SEC24B: variants seen among roughly 807,000 people sequenced by gnomAD.
The protein encoded by SEC24B is SEC24 homolog B, COPII component.
SEC24B carries 45 observed loss-of-function variants against 142.8 expected under a neutral mutation model. The observed-to-expected ratio is 0.32, with a 90% CI of 0.25 to 0.40. The LOEUF (loss-of-function observed/expected upper bound fraction) is 0.40. SEC24B is among the 10% of genes least tolerant of loss of function. The pLI is 1.00. For missense variants in SEC24B, 1,409 were observed against 1,526.8 expected, an observed-to-expected ratio of 0.92 and a Z score of 1.29; for synonymous variants, 574 against 568.2, an observed-to-expected ratio of 1.01 and a Z score of -0.15.
intron 3 of SEC24B, among the ~76,000 whole-genome samples, 167 bp downstream of exon 3, chr4:109,473,353 T>C (rs1163910616): frequency 1.3e-5 from 2 of 152,230 alleles, no homozygotes; most frequent in Non-Finnish European, 2.9e-5. Flanking sequence ...TGTATTTTGC[T>C]TTTCTTTTTA....
At chr4:109,458,932 C>T (rs1263440987) in intron 1 of SEC24B, among the ~76,000 whole-genome samples, 1 of 151,184 alleles carries the variant, frequency 6.6e-6, no homozygotes, top group Non-Finnish European at 1.5e-5. Flanking sequence ...AAATTTTTTT[C>T]CTCCACAACT....
chr4:109,477,560 G>C (rs1163255040), intron 3 of SEC24B, among the ~76,000 whole-genome samples: 2 of 151,984 alleles, frequency 1.3e-5, no homozygotes, highest in African/African-American at 2.4e-5. Flanking sequence ...TCCCAGGCTC[G>C]AGTGATTATC....
chr4:109,504,937 T>G (rs1736526073), intron 6 of SEC24B, among the ~76,000 whole-genome samples: 1 of 152,004 alleles, frequency 6.6e-6, no homozygotes, highest in South Asian at 2.1e-4. Context: ...GCAGAAGGTA[T>G]AGACATAGAG....
chr4:109,521,673 T>A, intron 14 of SEC24B, 47 bp downstream of exon 14: 1 of 1,303,630 alleles, frequency 7.7e-7, no homozygotes, highest in African/African-American at 1.5e-5. Flanking sequence ...GTGTAATTAT[T>A]TGTTTATTCT....
intron 11 of SEC24B, among the ~76,000 whole-genome samples, chr4:109,518,210 T>C (rs554286655): frequency 1.3e-5 from 2 of 152,284 alleles, no homozygotes; most frequent in East Asian, 3.9e-4. Flanking sequence ...ATACGTGGCT[T>C]ATACCTGGCT....
In SEC24B at chr4:109,450,614, C is replaced by T. The variant is rs370354248; in HGVS notation, c.134-12287C>T. 5.4e-5 allele frequency among the ~76,000 whole-genome samples: 8 copies of T among 148,068 alleles called. No individual in the cohort carries two copies. In the South Asian group the frequency reaches 8.5e-4, roughly 16 times the overall value. On this transcript the variant is annotated intron_variant, in intron 1 of 23. Transcript: ENST00000265175. ...TGGAGGTTGCAGTGAGCCAAGATCA[C>T]GCCACTGCACTCCAACCTGGGTGAC...
rs182157622 is a variant in SEC24B, at chr4:109,494,684, C to T, written c.1316C>T (p.Pro439Leu). The change falls in exon 6 of 24, where the codon CCA becomes CTA. Residue 439 changes from proline to leucine, a missense_variant. Physicochemically the swap from Pro to Leu is moderately conservative, Grantham distance 98. This residue lies in a region of SEC24B where 709 missense variants were observed against 673.5 expected (regional missense o/e 1.05). Coordinates refer to ENST00000265175, the MANE Select transcript of SEC24B (RefSeq NM_006323.5). ...CCTGAACCTGATCCTGCTTCTGCTC[C>T]AGCTCCAGCTTCAGCTCCAGCTCCT... ...PAPEPDPASA[P>L]APASAPAPVV... is the part of the protein sequence containing the mutation. The T allele has an allele frequency of 7.9e-5, 128 of 1,613,878 alleles. No individual in the cohort carries two copies. The African/African-American group carries it at 1.6e-3, about 21-fold the overall frequency.
At chr4:109,502,084 A>G (rs1400084225) in intron 6 of SEC24B, among the ~76,000 whole-genome samples, 5 of 152,220 alleles carry the variant, frequency 3.3e-5, no homozygotes, top group Non-Finnish European at 7.3e-5. Context: ...GAGTTAACAT[A>G]TGGAAGAAAG....
At chr4:109,514,627 G>C (rs1239983024) in intron 10 of SEC24B, among the ~76,000 whole-genome samples, 2 of 152,200 alleles carry the variant, frequency 1.3e-5, no homozygotes, top group Non-Finnish European at 2.9e-5. Flanking sequence ...GAACGTGGGA[G>C]GGGGAGGTTG....
rs186223838 is a variant in SEC24B, at chr4:109,466,072, T to A, written c.877+2428T>A. On this transcript the variant is annotated intron_variant, in intron 2 of 23. Coordinates refer to ENST00000265175, the MANE Select transcript of SEC24B (RefSeq NM_006323.5). ...CATTTCAAAAAAAAAGAGGTTATTT[T>A]AAAAATCTACTTTAAAATTAAATAT... Among the ~76,000 whole-genome samples the A allele has an allele frequency of 1.0e-3, 159 of 152,346 alleles. 2 individuals carry two copies. The highest frequency in any genetic ancestry group is 3.7e-3 in the African/African-American group (152 of 41,578).
At chr4:109,511,342 A>G (rs1176509634) in intron 8 of SEC24B, among the ~76,000 whole-genome samples, 1 of 152,110 alleles carries the variant, frequency 6.6e-6, no homozygotes, top group Non-Finnish European at 1.5e-5. Context: ...TATGTGAAAA[A>G]ATTAAATACA....
Position 109,453,457 on chromosome 4 carries a change from C to G in SEC24B, c.134-9444C>G, listed in dbSNP as rs941057075. ...CATTTTAGGCCCCCCCCCCCCCCCC[C>G]CCGAATGGCTGTTAATTATTAATAT... On this transcript the variant is annotated intron_variant, in intron 1 of 23. Transcript: ENST00000265175. Among the ~76,000 whole-genome samples the G allele has an allele frequency of 2.9e-3, 312 of 107,060 alleles. 3 individuals are homozygous for G. The highest frequency in any genetic ancestry group is 0.011 in the African/African-American group (291 of 25,798). 70.2% of individuals were successfully genotyped at this position (107,060 alleles called of 152,430 possible).
intron 1 of SEC24B, among the ~76,000 whole-genome samples, chr4:109,446,223 A>G (rs1000004125): frequency 1.3e-5 from 2 of 152,180 alleles, no homozygotes; most frequent in Non-Finnish European, 1.5e-5. Flanking sequence ...GCCTGATACA[A>G]TCACAGCAGT....
intron 11 of SEC24B, among the ~76,000 whole-genome samples, chr4:109,517,560 A>G (rs1723074980): frequency 6.6e-6 from 1 of 152,206 alleles, no homozygotes; most frequent in Non-Finnish European, 1.5e-5. Context: ...AATATATTGT[A>G]TTCTTGGAGA....
intron 14 of SEC24B, among the ~76,000 whole-genome samples, chr4:109,523,778 A>G: frequency 6.6e-6 from 1 of 152,192 alleles, no homozygotes; most frequent in East Asian, 1.9e-4. Context: ...AAAGGGCATA[A>G]TCTTTAAGTT....
chr4:109,526,395 C>G lies in SEC24B; in HGVS notation c.2961C>G (p.Ser987Arg), dbSNP rs1406879097. 18 of 1,602,908 alleles carry G rather than the reference C, an allele frequency of 1.1e-5. No individual in the cohort carries two copies. Among genetic ancestry groups the G allele is most frequent in the Non-Finnish European group, 1.5e-5 (17 of 1,172,342 alleles). Residue 987 changes from serine (S) to arginine (R), a missense_variant, in exon 17 of 24, where the codon AGC becomes AGG. By Grantham distance (110) the Ser-to-Arg change is moderately radical. This residue lies in a region of SEC24B where 700 missense variants were observed against 853.3 expected (regional missense o/e 0.82). Coordinates refer to ENST00000265175, the MANE Select transcript of SEC24B (RefSeq NM_006323.5). Reference protein sequence around the residue: ...CFQTALLYTSSKGERRIRVHT... With the variant: ...CFQTALLYTSRKGERRIRVHT... ...AAACAGCCCTATTATATACATCAAG[C>G]AAAGGTAATGTTAACAGAAATGAAA...
intron 23 of SEC24B, 43 bp downstream of exon 23, chr4:109,538,639 G>A: frequency 8.1e-7 from 1 of 1,228,942 alleles, no homozygotes; most frequent in Non-Finnish European, 1.2e-6. Context: ...TCTTTCCTAT[G>A]TAGTCTGTGG....
At chr4:109,465,881 T>C (rs1314477038) in intron 2 of SEC24B, among the ~76,000 whole-genome samples, 3 of 152,212 alleles carry the variant, frequency 2.0e-5, no homozygotes, top group Non-Finnish European at 2.9e-5. Context: ...ATTCTTTTAA[T>C]CTTAGTACTG....
At chr4:109,510,747 T>G (rs1489563404) in intron 8 of SEC24B, among the ~76,000 whole-genome samples, 1 of 152,206 alleles carries the variant, frequency 6.6e-6, no homozygotes, top group Admixed American at 6.5e-5. Context: ...ACTTCAAAAA[T>G]AATTTTATTC....
Sources: allele counts gnomAD v4.1 joint callset (sites outside exome capture counted in the v4.1 genomes callset), GRCh38; gene constraint gnomAD v4.1.1; regional missense constraint gnomAD v4.1.1; transcripts MANE v1.5; gene names NCBI Gene and HGNC (gene_info 2026-07-23, HGNC 2026-07-21).